DOCK5: variants seen among roughly 807,000 people sequenced by gnomAD.
The protein encoded by DOCK5 is dedicator of cytokinesis protein 5.
A neutral mutation model predicts 251.8 loss-of-function variants in DOCK5; 142 were observed. The observed-to-expected ratio is 0.56, with a 90% CI of 0.49 to 0.65. The LOEUF is 0.65. Among genes scored for constraint, DOCK5 ranks in the 30% least tolerant of loss-of-function variants. The pLI is 0.00. For synonymous variants in DOCK5, 842 were observed against 835.5 expected, an observed-to-expected ratio of 1.01 and a Z score of -0.13; for missense variants, 2,111 against 2,312.3, an observed-to-expected ratio of 0.91 and a Z score of 1.79.
rs146786763 is a variant in DOCK5 at position 25,390,907 on chromosome 8, C to T, written c.4355+620C>T. Among the ~76,000 whole-genome samples, 502 of 152,060 alleles carry T rather than the reference C, an allele frequency of 3.3e-3. 1 individual carries two copies. Among genetic ancestry groups the T allele is most frequent in the African/African-American group, 0.011 (473 of 41,474 alleles). ...CACTGCAACTTCTGCCTCCCAAGTT[C>T]AAGCAATTCTCCTGCCTCAGCCTCC... On this transcript the variant is annotated intron_variant, in intron 42 of 51. Transcript: ENST00000276440.
chr8:25,232,589 C>A (rs1802698473), intron 1 of DOCK5, among the ~76,000 whole-genome samples: 1 of 152,086 alleles, frequency 6.6e-6, no homozygotes, highest in Non-Finnish European at 1.5e-5. Flanking sequence ...TGCAGACTGC[C>A]AACTTATCAC....
chr8:25,252,558 G>A (rs1344685686), intron 2 of DOCK5, among the ~76,000 whole-genome samples: 2 of 152,234 alleles, frequency 1.3e-5, no homozygotes, highest in African/African-American at 4.8e-5. Context: ...ATAAGGCCAT[G>A]TGGCATTTTG....
rs1332753231 is a variant in DOCK5, at chr8:25,412,104, C to G, written c.*806C>G. On this transcript the variant is annotated 3_prime_UTR_variant, in exon 52 of 52. Coordinates refer to ENST00000276440, the MANE Select transcript of DOCK5 (RefSeq NM_024940.8). ...TTTTTTTTTTTTTTTTTTTTTTTGT[C>G]CTATTACCTCCTCTGAGCGCAAATC... 4.1e-5 allele frequency: 1 copy of G among 24,526 alleles called. No homozygotes were observed. The highest frequency in any genetic ancestry group is 1.2e-3 in the South Asian group (1 of 816). 1.5% of individuals were successfully genotyped at this position (24,526 alleles called of 1,614,324 possible).
At chr8:25,258,822 TA>T (rs1803491015) in intron 2 of DOCK5, among the ~76,000 whole-genome samples, 2 of 152,092 alleles carry the variant, frequency 1.3e-5, no homozygotes, top group Admixed American at 6.5e-5. Context: ...TTTTGATCAT[TA>T]AAAAAATTAA....
chr8:25,307,220 G>A (rs966967296), intron 11 of DOCK5, among the ~76,000 whole-genome samples: 4 of 151,934 alleles, frequency 2.6e-5, no homozygotes, highest in African/African-American at 9.7e-5. Context: ...CTGGGTTCAA[G>A]CAATTCTCCT....
rs1563309184 is a variant in DOCK5, at chr8:25,210,043, T to TATATAAAA, written c.43+25092_43+25093insATATAAAA. Among the ~76,000 whole-genome samples the TATATAAAA allele has an allele frequency of 4.8e-3, 121 of 25,196 alleles. 37 individuals are homozygous for TATATAAAA. Among genetic ancestry groups the TATATAAAA allele is most frequent in the African/African-American group, 0.01 (73 of 7,150 alleles). 16.5% of individuals were successfully genotyped at this position (25,196 alleles called of 152,430 possible). A position where few individuals can be genotyped will look rare whatever the true frequency, so the allele number is the denominator to read the frequency against. ...ATATATATATATATATAAATGTGTG[T>TATATAAAA]GTGTGTGTGTGTGTGTGTGTGTGTG... On this transcript the variant is annotated intron_variant, in intron 1 of 51. Transcript: ENST00000276440.
chr8:25,227,680 T>A (rs1469014346), intron 1 of DOCK5, among the ~76,000 whole-genome samples: 4 of 152,210 alleles, frequency 2.6e-5, no homozygotes, highest in Non-Finnish European at 5.9e-5. Context: ...CCAAGTGAGG[T>A]TCTAATCCTA....
intron 27 of DOCK5, among the ~76,000 whole-genome samples, chr8:25,354,343 TAAAG>T (rs1219002174): frequency 6.6e-6 from 1 of 152,220 alleles, no homozygotes; most frequent in African/African-American, 2.4e-5. Flanking sequence ...TCATACATTA[TAAAG>T]AAAGATTGAT....
intron 13 of DOCK5, among the ~76,000 whole-genome samples, chr8:25,312,041 A>G (rs1348909208): frequency 6.6e-6 from 1 of 152,202 alleles, no homozygotes; most frequent in Non-Finnish European, 1.5e-5. Flanking sequence ...GTGGGTCTTA[A>G]ATGAGTATTT....
intron 1 of DOCK5, among the ~76,000 whole-genome samples, chr8:25,202,921 C>T (rs1243984962): frequency 6.6e-6 from 1 of 152,096 alleles, no homozygotes; most frequent in Non-Finnish European, 1.5e-5. Context: ...ACCTTGAGTA[C>T]CTGAAGCCAC....
intron 1 of DOCK5, among the ~76,000 whole-genome samples, chr8:25,214,772 A>G (rs1291192118): frequency 6.6e-6 from 1 of 152,126 alleles, no homozygotes; most frequent in African/African-American, 2.4e-5. Flanking sequence ...GCGAAAGGGG[A>G]CAGAGAGGAT....
At chr8:25,348,409 GC>G (rs1800407442) in intron 26 of DOCK5, among the ~76,000 whole-genome samples, 1 of 152,200 alleles carries the variant, frequency 6.6e-6, no homozygotes, top group Non-Finnish European at 1.5e-5. Flanking sequence ...TAGGAATGCA[GC>G]TCACAAATCC....
intron 47 of DOCK5, among the ~76,000 whole-genome samples, chr8:25,402,049 A>G (rs527749473): frequency 3.7e-4 from 57 of 152,296 alleles, no homozygotes; most frequent in African/African-American, 1.3e-3. Context: ...GTGATGGTGT[A>G]ATACGTTCTA....
rs745784670 is a variant in DOCK5, at chr8:25,374,666, A to G, written c.3816+12A>G. ...CTGAGCTTCTGCAGGTGAATGGCTC[A>G]GAGAGCTTGTTTCAACAGGGTGGAG... On this transcript the variant is annotated intron_variant, in intron 37 of 51. Coordinates refer to ENST00000276440, the MANE Select transcript of DOCK5 (RefSeq NM_024940.8). 6.2e-7 allele frequency: 1 copy of G among 1,613,862 alleles called. No individual in the cohort carries two copies.
chr8:25,408,933 G>T lies in DOCK5; in HGVS notation c.5397G>T (p.Arg1799Ser). ...CTCCACTCACTCCCAAAGCCACCAGGACCCTAAGTAAGTTTTCCTGTATTC... is the reference window on the plus strand; with the variant it reads ...CTCCACTCACTCCCAAAGCCACCAGTACCCTAAGTAAGTTTTCCTGTATTC... ...SPPPLTPKAT[R>S]TLSSPSLQTD... The change falls in exon 50 of 52, where the codon AGG becomes AGT. Residue 1799 changes from arginine to serine, a missense_variant. Coordinates refer to ENST00000276440, the MANE Select transcript of DOCK5 (RefSeq NM_024940.8). The T allele has an allele frequency of 1.2e-6, 2 of 1,613,952 alleles. No homozygotes were observed. Among genetic ancestry groups the T allele is most frequent in the Non-Finnish European group, 1.7e-6 (2 of 1,179,888 alleles).
At chr8:25,369,915 C>T (rs1349883401) in intron 34 of DOCK5, among the ~76,000 whole-genome samples, 1 of 152,096 alleles carries the variant, frequency 6.6e-6, no homozygotes, top group African/African-American at 2.4e-5. Context: ...TGGCATTTTG[C>T]CCAGTGTTTG....
intron 15 of DOCK5, among the ~76,000 whole-genome samples, chr8:25,320,483 C>T (rs1269849851): frequency 6.6e-6 from 1 of 152,102 alleles, no homozygotes; most frequent in African/African-American, 2.4e-5. Flanking sequence ...ATAATCATGC[C>T]ATGATTTGAC....
At position 25,400,309 on chromosome 8, in the gene DOCK5, GCCA is replaced by G. The variant is rs1801415998; in HGVS notation, c.4788+316_4788+318del. Among the ~76,000 whole-genome samples, 29 of 152,000 alleles carry G rather than the reference GCCA, an allele frequency of 1.9e-4. No homozygotes were observed. The South Asian group carries it at 5.8e-3, about 31-fold the overall frequency. On this transcript the variant is annotated intron_variant, in intron 46 of 51. Coordinates refer to ENST00000276440, the MANE Select transcript of DOCK5 (RefSeq NM_024940.8). ...AGGTCAGGAGTTCCAGACCAGCCTG[GCCA>G]ACATGGTGAAACCCCATCTCTACTA...
intron 1 of DOCK5, among the ~76,000 whole-genome samples, chr8:25,203,704 C>T (rs147043447): frequency 6.6e-6 from 1 of 152,198 alleles, no homozygotes; most frequent in African/African-American, 2.4e-5. Flanking sequence ...CATTTGTGGC[C>T]CAAAAGACTC....
Sources: gnomAD v4.1 joint callset for allele counts (sites outside exome capture counted in the v4.1 genomes callset) on GRCh38, gnomAD v4.1.1 for gene constraint, MANE v1.5 for transcripts, NCBI Gene and HGNC (gene_info 2026-07-23, HGNC 2026-07-21) for gene names.